Variants in EML6 observed in about 807,000 individuals in gnomAD.
EML6 encodes echinoderm microtubule-associated protein-like 6.
In EML6, 154 loss-of-function variants were observed where a neutral mutation model predicts 240.1. The observed-to-expected ratio is 0.64, with a 90% CI of 0.56 to 0.73. EML6 has a LOEUF of 0.73. EML6 is among the 30% of genes least tolerant of loss of function. The pLI is 0.00. For missense variants in EML6, 2,964 were observed against 2,474.6 expected (o/e 1.20, Z -4.20); for synonymous variants, 1,148 against 899.0 (o/e 1.28, Z -4.95).
At chr2:54,888,543 G>A (rs573280943) in intron 17 of EML6, among the ~76,000 whole-genome samples, 114 of 152,144 alleles carry the variant, frequency 7.5e-4, no homozygotes, top group African/African-American at 2.6e-3. Context: ...TGTATACTGT[G>A]GCAACCACTA....
At chr2:54,912,400 A>G (rs931659792) in intron 25 of EML6, among the ~76,000 whole-genome samples, 1 of 152,056 alleles carries the variant, frequency 6.6e-6, no homozygotes, top group Non-Finnish European at 1.5e-5. Context: ...ATACACCTTT[A>G]TTTTTAATTT....
chr2:54,950,627 T>C (rs754559862), intron 29 of EML6, 23 bp from the exon 30 acceptor site: 61 of 1,550,916 alleles, frequency 3.9e-5, no homozygotes, highest in Non-Finnish European at 5.1e-5. Flanking sequence ...GAGGGTCACA[T>C]TGATCTGTGT....
chr2:54,967,948 C>T (rs1347249019), intron 39 of EML6, among the ~76,000 whole-genome samples, 180 bp from the exon 40 acceptor site: 2 of 152,336 alleles, frequency 1.3e-5, no homozygotes, highest in African/African-American at 2.4e-5. Flanking sequence ...CCACTGCTCA[C>T]CTCCTGCCCT....
At chr2:54,917,364 T>G (rs6713956) in intron 26 of EML6, among the ~76,000 whole-genome samples, 17 of 149,904 alleles carry the variant, frequency 1.1e-4, no homozygotes, top group Non-Finnish European at 8.9e-5. Flanking sequence ...TTTTGTTTTT[T>G]TTTTTTTTTT....
rs903409446 is a variant in EML6, at chr2:54,971,827, G to C, written c.*1732G>C. 5.9e-5 allele frequency: 9 copies of C among 152,188 alleles called. No homozygotes were observed. The highest frequency in any genetic ancestry group is 1.0e-4 in the Non-Finnish European group (7 of 68,038). The allele number at this position is 152,188 out of a possible 1,614,324, so 9.4% of individuals were successfully genotyped here. A position where few individuals can be genotyped will look rare whatever the true frequency, so the allele number is the denominator to read the frequency against. On this transcript the variant is annotated 3_prime_UTR_variant, in exon 42 of 42. Transcript: ENST00000356458. ...GATGACATGTACAACCATATTTAAA[G>C]AGCAATAGTGTCCGTGTGTCATGAA... is the stretch of plus-strand genomic sequence containing the variant.
intron 34 of EML6, among the ~76,000 whole-genome samples, chr2:54,959,527 C>A (rs952693976): frequency 1.3e-5 from 2 of 152,050 alleles, no homozygotes; most frequent in African/African-American, 4.8e-5. Flanking sequence ...TTTGGGAGGC[C>A]AAGGTGGGCA....
rs1302682281 is a variant in EML6 at position 54,774,501 on chromosome 2, G to T, written c.198-38731G>T. ...AGCAACATATCCTTCATGGAAGGGGGTTCTGGATGGTTTTTAGCCTACATC... is the reference window on the plus strand; with the variant it reads ...AGCAACATATCCTTCATGGAAGGGGTTTCTGGATGGTTTTTAGCCTACATC... On this transcript the variant is annotated intron_variant, in intron 2 of 41. Transcript: ENST00000356458. This position sits in a 1 kb window ranked among gnomAD's most constrained non-coding sequence, Gnocchi z 4.1. Among the ~76,000 whole-genome samples the T allele has an allele frequency of 6.6e-6, 1 of 152,208 alleles. No homozygotes were observed. Among genetic ancestry groups the T allele is most frequent in the South Asian group, 2.1e-4 (1 of 4,834 alleles).
At chr2:54,961,184 G>GTTTTTTTTTTTTTTTTTTTTTT (rs575621987) in intron 35 of EML6, among the ~76,000 whole-genome samples, 41 of 55,402 alleles carry the variant, frequency 7.4e-4, no homozygotes, top group Non-Finnish European at 9.5e-4. Flanking sequence ...TCAGGAAGTA[G>GTTTTTTTTTTTTTTTTTTTTTT]TTTTTTTTTT....
At chr2:54,879,093 T>C (rs753678390) in intron 16 of EML6, among the ~76,000 whole-genome samples, 1 of 152,248 alleles carries the variant, frequency 6.6e-6, no homozygotes, top group Non-Finnish European at 1.5e-5. Context: ...ACCCAGTTTT[T>C]AGAGCTGAAA....
intron 18 of EML6, among the ~76,000 whole-genome samples, chr2:54,891,797 G>T (rs1309805930): frequency 1.3e-5 from 2 of 152,194 alleles, no homozygotes. Context: ...ATGCCACCCA[G>T]TATGTCTGGA....
At chr2:54,776,718 C>T (rs1275070637) in intron 2 of EML6, among the ~76,000 whole-genome samples, 3 of 152,136 alleles carry the variant, frequency 2.0e-5, no homozygotes, top group African/African-American at 7.2e-5. Flanking sequence ...TGTCTCCTCC[C>T]TCCCCTCCTG....
rs556319942 is a variant in EML6, at chr2:54,846,400, T to C, written c.1050-1086T>C. On this transcript the variant is annotated intron_variant, in intron 8 of 41. Transcript: ENST00000356458. ...ATACTGATATGTAGATATATAGATA[T>C]ATATTTATATTGATCTATATATTGA... 2.6e-5 allele frequency among the ~76,000 whole-genome samples: 4 copies of C among 151,704 alleles called. No individual in the cohort carries two copies. The South Asian group carries it at 8.3e-4, about 32-fold the overall frequency.
chr2:54,961,937 G>C (rs1316789733), intron 35 of EML6, among the ~76,000 whole-genome samples: 2 of 151,748 alleles, frequency 1.3e-5, no homozygotes, highest in Non-Finnish European at 2.9e-5. Flanking sequence ...CCAGGAGGCA[G>C]AGGTTGCAGT....
Position 54,960,256 on chromosome 2 carries a change from G to C in EML6, c.4890G>C (p.Gln1630His), listed in dbSNP as rs1240339027. The C allele has an allele frequency of 1.9e-6, 3 of 1,551,618 alleles. No homozygotes were observed. The highest frequency in any genetic ancestry group is 4.9e-5 in the East Asian group (2 of 40,928). Reference protein sequence around the residue: ...KEGGAVKLWDQEMKRCRAFQL... With the variant: ...KEGGAVKLWDHEMKRCRAFQL... ...GAGGTGCTGTAAAATTGTGGGACCA[G>C]GAGATGAAGCGCTGCCGGGCCTTTC... Residue 1630 changes from glutamine (Q) to histidine (H), a missense_variant, in exon 35 of 42, where the codon CAG (glutamine) becomes CAC (histidine). Transcript: ENST00000356458.
intron 7 of EML6, among the ~76,000 whole-genome samples, chr2:54,843,722 A>G (rs1008909705): frequency 4.0e-5 from 6 of 151,848 alleles, no homozygotes; most frequent in African/African-American, 1.5e-4. Context: ...GGGCATCTGT[A>G]GTCCCAGCTA....
At chr2:54,817,955 G>A (rs1288829306) in intron 4 of EML6, among the ~76,000 whole-genome samples, 5 of 151,820 alleles carry the variant, frequency 3.3e-5, no homozygotes, top group Non-Finnish European at 7.4e-5. Context: ...GAAGAGGCCT[G>A]GTACCCCTCT....
chr2:54,891,452 GAAATA>G lies in EML6; in HGVS notation c.2539+305_2539+309del, dbSNP rs528189010. 2.0e-4 allele frequency among the ~76,000 whole-genome samples: 30 copies of G among 152,242 alleles called. 1 individual carries two copies. The South Asian group carries it at 3.3e-3, about 17-fold the overall frequency. On this transcript the variant is annotated intron_variant, in intron 18 of 41. Transcript: ENST00000356458. ...GTAATTATGTTAGACTACTGCACAG[GAAATA>G]AAATAATCATTTTGGTTGAGTGAAT...
chr2:54,948,667 G>T (rs533783144), intron 28 of EML6, among the ~76,000 whole-genome samples: 211 of 152,278 alleles, frequency 1.4e-3, no homozygotes, highest in Non-Finnish European at 2.1e-3. Context: ...TGCCTCAAGC[G>T]TGGGGAGGCC....
At chr2:54,830,670 G>C (rs929588007) in intron 7 of EML6, among the ~76,000 whole-genome samples, 1 of 152,192 alleles carries the variant, frequency 6.6e-6, no homozygotes, top group Non-Finnish European at 1.5e-5. Context: ...AAACAGCCTA[G>C]ACGGCATATC....
Sources: gnomAD v4.1 joint callset for allele counts (sites outside exome capture counted in the v4.1 genomes callset) on GRCh38, gnomAD v4.1.1 for gene constraint, Gnocchi (gnomAD v3.1) non-coding constraint, MANE v1.5 for transcripts, NCBI Gene and HGNC (gene_info 2026-07-23, HGNC 2026-07-21) for gene names.